Variants in PDE11A observed in about 807,000 individuals in gnomAD.
The protein encoded by PDE11A is phosphodiesterase 11A.
A neutral mutation model predicts 100.5 loss-of-function variants in PDE11A; 100 were observed. The ratio of observed to expected loss-of-function variants is 1.00; its 90% CI spans 0.85 to 1.18. The LOEUF is 1.18. Ranked by LOEUF, PDE11A falls within the 50% of genes most tolerant of loss-of-function variation. PDE11A has a pLI of 0.00. For synonymous variants in PDE11A, 381 were observed against 420.8 expected (o/e 0.91, Z 1.16); for missense variants, 1,141 against 1,152.6 (o/e 0.99, Z 0.15).
At chr2:178,105,919 G>A (rs2087612414) in intron 1 of PDE11A, among the ~76,000 whole-genome samples, 1 of 151,942 alleles carries the variant, frequency 6.6e-6, no homozygotes, top group South Asian at 2.1e-4. Context: ...CTATTTTTCT[G>A]TTTTTGTGTT....
intron 5 of PDE11A, among the ~76,000 whole-genome samples, chr2:177,848,885 TAA>T (rs777036501): frequency 8.8e-4 from 134 of 152,200 alleles, no homozygotes; most frequent in Non-Finnish European, 1.4e-3. Context: ...TGTGTGAAAA[TAA>T]AAAGACTATC....
intron 9 of PDE11A, 149 bp downstream of exon 9, chr2:177,816,680 C>T: frequency 1.5e-6 from 1 of 676,144 alleles, no homozygotes; most frequent in Non-Finnish European, 2.7e-6. Flanking sequence ...TTTCTCTGGA[C>T]TTCATGAGAT....
intron 9 of PDE11A, among the ~76,000 whole-genome samples, chr2:177,775,418 A>T (rs2082364987): frequency 6.6e-6 from 1 of 152,148 alleles, no homozygotes; most frequent in Non-Finnish European, 1.5e-5. Flanking sequence ...AGTAGAAATC[A>T]AATCATGCCA....
Position 177,840,285 on chromosome 2 carries a change from C to T in PDE11A, c.1466G>A (p.Ser489Asn), listed in dbSNP as rs148715964. 19 of 1,614,032 alleles carry T rather than the reference C, an allele frequency of 1.2e-5. No individual in the cohort carries two copies. Among genetic ancestry groups the T allele is most frequent in the African/African-American group, 2.7e-5 (2 of 74,938 alleles). Residue 489 changes from serine (S) to asparagine (N), a missense_variant, in exon 6 of 20, where the codon AGT (serine) becomes AAT (asparagine). Transcript: ENST00000286063. ...VASTGLPVNI[S>N]DAYQDPRFDA... ...AAAGCGCGGATCCTGGTAGGCATCA[C>T]TGATGTTCACTGGAAGGCCTGTTGA...
chr2:177,731,998 G>A (rs1197630123), intron 10 of PDE11A, among the ~76,000 whole-genome samples: 4 of 152,220 alleles, frequency 2.6e-5, no homozygotes, highest in Non-Finnish European at 5.9e-5. Context: ...AATGAGTGTA[G>A]TTAATCTATC....
At chr2:177,738,890 C>A (rs2081832648) in intron 10 of PDE11A, among the ~76,000 whole-genome samples, 1 of 152,192 alleles carries the variant, frequency 6.6e-6, no homozygotes, top group Non-Finnish European at 1.5e-5. Flanking sequence ...AGAGATGGAC[C>A]AGGGTTCGTA....
In PDE11A at chr2:177,991,801, A is replaced by T. The variant is rs931394351; in HGVS notation, c.1071+22501T>A. On this transcript the variant is annotated intron_variant, in intron 2 of 19. Coordinates refer to ENST00000286063, the MANE Select transcript of PDE11A (RefSeq NM_016953.4). ...ATGGCATGAGTTTTTAAGTGCTGCA[A>T]AACATCTATATAAAGAGCATTATCT... 2.6e-5 allele frequency among the ~76,000 whole-genome samples: 4 copies of T among 151,174 alleles called. No homozygotes were observed. The Admixed American group carries it at 2.7e-4, about 10-fold the overall frequency.
intron 9 of PDE11A, among the ~76,000 whole-genome samples, chr2:177,780,161 T>A (rs1280008975): frequency 6.6e-6 from 1 of 152,202 alleles, no homozygotes; most frequent in Non-Finnish European, 1.5e-5. Flanking sequence ...CCTAAAACAT[T>A]TAGCAAACCA....
chr2:178,085,588 G>C (rs2087340915), intron 2 of PDE11A, among the ~76,000 whole-genome samples: 1 of 151,900 alleles, frequency 6.6e-6, no homozygotes, highest in Non-Finnish European at 1.5e-5. Flanking sequence ...TGAAGAAACT[G>C]AAGAACAAAA....
intron 17 of PDE11A, among the ~76,000 whole-genome samples, chr2:177,671,456 C>A (rs948645931): frequency 3.3e-5 from 5 of 151,936 alleles, no homozygotes; most frequent in African/African-American, 1.2e-4. Flanking sequence ...GTGGAATAGA[C>A]CCCAGCAGAA....
At chr2:178,072,811 C>T, upstream of PDE11A, 1 of 1,209,552 alleles carries the variant, frequency 8.3e-7, no homozygotes, top group South Asian at 1.6e-5. Context: ...GGAGGTAGGG[C>T]AGGACACGCC....
At chr2:177,795,634 A>T (rs2105544015) in intron 9 of PDE11A, among the ~76,000 whole-genome samples, 1 of 152,088 alleles carries the variant, frequency 6.6e-6, no homozygotes, top group South Asian at 2.1e-4. Context: ...CTGGGCAGGG[A>T]ATTGAAGATA....
intron 7 of PDE11A, 104 bp downstream of exon 7, chr2:177,820,116 C>T: frequency 1.4e-6 from 1 of 713,806 alleles, no homozygotes. Flanking sequence ...TTTGATGAGT[C>T]CTGGCCATAA....
rs1019726508 is a variant in PDE11A at position 177,659,845 on chromosome 2, A to G, written c.2646+4021T>C. 2.0e-5 allele frequency among the ~76,000 whole-genome samples: 3 copies of G among 152,186 alleles called. No homozygotes were observed. In the South Asian group the frequency reaches 6.2e-4, roughly 32 times the overall value. On this transcript the variant is annotated intron_variant, in intron 19 of 19. Coordinates refer to ENST00000286063, the MANE Select transcript of PDE11A (RefSeq NM_016953.4). ...CTAATGGATCCCCAGCAGGGTGCAAAGACAGCAGAAAGTGCAGGAATCAGA... is the reference window on the plus strand; with the variant it reads ...CTAATGGATCCCCAGCAGGGTGCAAGGACAGCAGAAAGTGCAGGAATCAGA...
chr2:178,022,450 A>G (rs1333663977), intron 1 of PDE11A, among the ~76,000 whole-genome samples: 2 of 150,382 alleles, frequency 1.3e-5, no homozygotes, highest in East Asian at 3.9e-4. Context: ...AAGAAGTTTG[A>G]TAGATTTAGA....
At chr2:177,957,776 C>A (rs1461877672) in intron 2 of PDE11A, among the ~76,000 whole-genome samples, 1 of 151,976 alleles carries the variant, frequency 6.6e-6, no homozygotes, top group African/African-American at 2.4e-5. Context: ...TAAACAAGAG[C>A]AATACATGTT....
At chr2:178,060,272 T>C (rs75986265) in intron 1 of PDE11A, among the ~76,000 whole-genome samples, 2,251 of 152,206 alleles carry the variant, frequency 0.015, 45 homozygotes, top group East Asian at 0.091. Flanking sequence ...TGGAAGGGTA[T>C]CTGAGAAAGC....
At chr2:177,765,258 A>G (rs936126619) in intron 10 of PDE11A, among the ~76,000 whole-genome samples, 5 of 152,226 alleles carry the variant, frequency 3.3e-5, no homozygotes, top group African/African-American at 1.2e-4. Context: ...AAGACCAGAT[A>G]TGAGGAAGGG....
Position 177,851,700 on chromosome 2 carries a change from CAT to C in PDE11A, c.1368-11319_1368-11318del, listed in dbSNP as rs549840462. Among the ~76,000 whole-genome samples the C allele has an allele frequency of 1.5e-3, 225 of 152,288 alleles. 2 individuals are homozygous for C. Among genetic ancestry groups the C allele is most frequent in the African/African-American group, 5.2e-3 (215 of 41,558 alleles). Reference sequence around the variant, plus strand: ...CAAGCTTTGTATCCCAAACTACATCCATACAGATGACTCTTTCTGTTTTTCGT... The same window carrying C: ...CAAGCTTTGTATCCCAAACTACATCCACAGATGACTCTTTCTGTTTTTCGT... On this transcript the variant is annotated intron_variant, in intron 5 of 19. Transcript: ENST00000286063.
Sources: gnomAD v4.1 joint callset for allele counts (sites outside exome capture counted in the v4.1 genomes callset) on GRCh38, gnomAD v4.1.1 for gene constraint, MANE v1.5 for transcripts, NCBI Gene and HGNC (gene_info 2026-07-23, HGNC 2026-07-21) for gene names.